HSD17B2: variants seen among roughly 807,000 people sequenced by gnomAD.
HSD17B2 encodes 17-beta-hydroxysteroid dehydrogenase type 2.
In HSD17B2, 32 loss-of-function variants were observed where a neutral mutation model predicts 26.9. The ratio of observed to expected loss-of-function variants is 1.19; its 90% CI spans 0.90 to 1.60. HSD17B2 has a LOEUF of 1.60. Ranked by LOEUF, HSD17B2 falls within the 40% of genes most tolerant of loss-of-function variation. The pLI, the probability that HSD17B2 is intolerant of heterozygous loss-of-function variation, is 0.00. For synonymous variants in HSD17B2, 246 were observed against 186.7 expected (o/e 1.32, Z -2.59); for missense variants, 613 against 468.6 (o/e 1.31, Z -2.85).
chr16:82,086,170 T>C (rs1040490390), intron 3 of HSD17B2, among the ~76,000 whole-genome samples: 1 of 152,100 alleles, frequency 6.6e-6, no homozygotes. Flanking sequence ...AAAAACTCAC[T>C]CATACATAGA....
chr16:82,086,693 G>C lies in HSD17B2; in HGVS notation c.665-4209G>C, dbSNP rs572531945. ...AAGAGTGGAAAGAGTCCATAGTTCT[G>C]TACATTATTGATTAAGGCAGGTCTT... is the stretch of plus-strand genomic sequence containing the variant. On this transcript the variant is annotated intron_variant, in intron 3 of 4. Transcript: ENST00000199936. 2.6e-5 allele frequency among the ~76,000 whole-genome samples: 4 copies of C among 152,326 alleles called. No individual in the cohort carries two copies. The East Asian group carries it at 7.7e-4, about 29-fold the overall frequency.
chr16:82,039,129 G>T (rs1597117487), intron 1 of HSD17B2, among the ~76,000 whole-genome samples: 2 of 152,024 alleles, frequency 1.3e-5, no homozygotes, highest in Admixed American at 1.3e-4. Flanking sequence ...GGAGGGTTCT[G>T]GGGGAATAGC....
intron 1 of HSD17B2, among the ~76,000 whole-genome samples, chr16:82,052,827 C>T (rs1416501477): frequency 6.6e-6 from 1 of 152,192 alleles, no homozygotes; most frequent in Non-Finnish European, 1.5e-5. Context: ...GACTGGGTGC[C>T]TTAAAACAGC....
intron 3 of HSD17B2, among the ~76,000 whole-genome samples, chr16:82,088,564 G>C (rs1200502554): frequency 6.6e-6 from 1 of 152,156 alleles, no homozygotes; most frequent in Non-Finnish European, 1.5e-5. Context: ...CATCTATAAA[G>C]GTCATGGAGA....
chr16:82,044,786 G>A (rs1913870452), intron 1 of HSD17B2, among the ~76,000 whole-genome samples: 1 of 152,068 alleles, frequency 6.6e-6, no homozygotes, highest in African/African-American at 2.4e-5. Flanking sequence ...CATAGGAAGT[G>A]GGGAAGAAGT....
chr16:82,090,583 T>C (rs939693825), intron 3 of HSD17B2, among the ~76,000 whole-genome samples: 1 of 152,044 alleles, frequency 6.6e-6, no homozygotes, highest in Admixed American at 6.6e-5. Flanking sequence ...CTTCCCACAG[T>C]GTTGGGATTA....
chr16:82,056,070 T>C (rs1482590813), intron 1 of HSD17B2, among the ~76,000 whole-genome samples: 1 of 152,232 alleles, frequency 6.6e-6, no homozygotes, highest in Admixed American at 6.5e-5. Flanking sequence ...TTATTCAAGT[T>C]TGGCAAGTTG....
intron 1 of HSD17B2, among the ~76,000 whole-genome samples, chr16:82,039,805 C>A (rs1913721431): frequency 6.6e-6 from 1 of 152,160 alleles, no homozygotes; most frequent in South Asian, 2.1e-4. Context: ...ACAGAGCAGA[C>A]ACCTCAGGGC....
At chr16:82,085,834 G>A (rs761028042) in intron 3 of HSD17B2, among the ~76,000 whole-genome samples, 2 of 151,958 alleles carry the variant, frequency 1.3e-5, no homozygotes, top group South Asian at 2.1e-4. Flanking sequence ...CAGAATCACC[G>A]GAGGGCTTCT....
chr16:82,095,098 G>A (rs754229136), intron 4 of HSD17B2: 3 of 152,162 alleles, frequency 2.0e-5, no homozygotes, highest in Non-Finnish European at 2.9e-5. Context: ...ACAGCTTTGG[G>A]GACTCTGGAT....
chr16:82,042,329 G>A (rs145708316), intron 1 of HSD17B2, among the ~76,000 whole-genome samples: 11,105 of 151,992 alleles, frequency 0.073, 1,366 homozygotes, highest in African/African-American at 0.25. Flanking sequence ...GATGACAGGC[G>A]TGAGCCACCA....
chr16:82,046,977 G>T (rs565305766), intron 1 of HSD17B2, among the ~76,000 whole-genome samples: 15 of 152,286 alleles, frequency 9.8e-5, no homozygotes, highest in South Asian at 2.1e-4. Flanking sequence ...AGGGAAAGGG[G>T]TATTGGCTGC....
intron 3 of HSD17B2, among the ~76,000 whole-genome samples, chr16:82,085,918 C>A (rs1237261382): frequency 6.6e-6 from 1 of 151,550 alleles, no homozygotes. Flanking sequence ...TGAAAAACCA[C>A]CATAATATAA....
In HSD17B2 at chr16:82,036,175, T is replaced by A. The variant is rs554578596; in HGVS notation, c.265+486T>A. Reference sequence around the variant, plus strand: ...ATTCACTTACCTGGGCTGGAGACTTTGCAGTTTGCTTGGCTGCTGTCAAGA... The same window carrying A: ...ATTCACTTACCTGGGCTGGAGACTTAGCAGTTTGCTTGGCTGCTGTCAAGA... On this transcript the variant is annotated intron_variant, in intron 1 of 4. Coordinates refer to ENST00000199936, the MANE Select transcript of HSD17B2 (RefSeq NM_002153.3). Among the ~76,000 whole-genome samples the A allele has an allele frequency of 9.9e-5, 15 of 152,284 alleles. No individual in the cohort carries two copies. The South Asian group carries it at 2.7e-3, about 27-fold the overall frequency.
chr16:82,043,202 G>C (rs573615505), intron 1 of HSD17B2, among the ~76,000 whole-genome samples: 2 of 152,290 alleles, frequency 1.3e-5, no homozygotes, highest in Non-Finnish European at 2.9e-5. Flanking sequence ...AGCACATAGA[G>C]CTTTGAGGCT....
chr16:82,097,815 G>T (rs1011660971), intron 4 of HSD17B2: 7 of 259,886 alleles, frequency 2.7e-5, no homozygotes, highest in Non-Finnish European at 5.0e-5. Context: ...GGTGATGCCT[G>T]TAATCCCAGC....
chr16:82,067,138 CTCACATACTGA>C (rs1914590615), intron 1 of HSD17B2, among the ~76,000 whole-genome samples: 1 of 152,206 alleles, frequency 6.6e-6, no homozygotes, highest in African/African-American at 2.4e-5. Context: ...TTCCTGCCCA[CTCACATACTGA>C]TCTTTGAGTT....
chr16:82,056,238 G>A (rs987201021), intron 1 of HSD17B2, among the ~76,000 whole-genome samples: 2 of 152,120 alleles, frequency 1.3e-5, no homozygotes, highest in African/African-American at 4.8e-5. Flanking sequence ...ATGATAAAAG[G>A]GACCTTGGGA....
intron 1 of HSD17B2, among the ~76,000 whole-genome samples, chr16:82,041,635 C>T (rs544428407): frequency 1.3e-5 from 2 of 152,228 alleles, no homozygotes; most frequent in South Asian, 2.1e-4. Context: ...CCAGCACTGC[C>T]GACCATACTT....
Sources: gnomAD v4.1 joint callset for allele counts (sites outside exome capture counted in the v4.1 genomes callset) on GRCh38, gnomAD v4.1.1 for gene constraint, MANE v1.5 for transcripts, NCBI Gene and HGNC (gene_info 2026-07-23, HGNC 2026-07-21) for gene names.